KYAT3: variants seen among roughly 807,000 people sequenced by gnomAD.
KYAT3 encodes kynurenine--oxoglutarate transaminase 3.
A neutral mutation model predicts 59.0 loss-of-function variants in KYAT3; 50 were observed. The observed-to-expected ratio is 0.85, with a 90% CI of 0.68 to 1.07. The LOEUF (loss-of-function observed/expected upper bound fraction) is 1.07. Ranked by LOEUF, KYAT3 falls within the 50% of genes least tolerant of loss-of-function variation. The pLI is 0.00. For missense variants in KYAT3, 497 were observed against 533.3 expected, an observed-to-expected ratio of 0.93 and a Z score of 0.67; for synonymous variants, 148 against 177.0, an observed-to-expected ratio of 0.84 and a Z score of 1.30.
At chr1:88,974,691 C>G (rs188139698) in intron 2 of KYAT3, among the ~76,000 whole-genome samples, 3 of 152,078 alleles carry the variant, frequency 2.0e-5, no homozygotes, top group Middle Eastern at 3.4e-3. Flanking sequence ...CACCAATCAG[C>G]GCTCTGTGTC....
At chr1:88,992,479 T>G (rs1570866406) in intron 1 of KYAT3, 106 bp downstream of exon 1, 1 of 152,730 alleles carries the variant, frequency 6.5e-6, no homozygotes, top group East Asian at 1.9e-4. Flanking sequence ...CCGCAGCGAC[T>G]CCGGCAAGAG....
chr1:88,983,615 C>T (rs111779380), intron 2 of KYAT3: 1 of 1,477,150 alleles, frequency 6.8e-7, no homozygotes, highest in East Asian at 2.4e-5. Context: ...TAATGACTTT[C>T]CATTCATGTC....
At chr1:88,988,892 T>G (rs1478403688) in intron 1 of KYAT3, among the ~76,000 whole-genome samples, 1 of 152,220 alleles carries the variant, frequency 6.6e-6, no homozygotes, top group African/African-American at 2.4e-5. Flanking sequence ...AGGTACTTCC[T>G]CCAACAATTC....
rs201697420 is a variant in KYAT3 at position 88,983,233 on chromosome 1, C to T, written c.99+5019G>A. On this transcript the variant is annotated intron_variant, in intron 2 of 13. Transcript: ENST00000260508. ...AATAAACATCTCTACGAGAGGGGAG[C>T]GGTTCCCTTCGAGGTGGACCTCCAT... is the stretch of plus-strand genomic sequence containing the variant. 379 of 1,613,280 alleles carry T rather than the reference C, an allele frequency of 2.3e-4. 5 individuals carry two copies. The South Asian group carries it at 3.0e-3, about 13-fold the overall frequency.
rs1676439925 is a variant in KYAT3, at chr1:88,968,743, G to A, written c.230C>T (p.Pro77Leu). The part of the protein sequence containing the change: ...NLGQGFPDIS[P>L]PTYVKEELSK... ...TAATTCTTCTTTTACATATGTAGGAGGGGATATATCTGGAAAGCCTTGGCC... is the reference window on the plus strand; with the variant it reads ...TAATTCTTCTTTTACATATGTAGGAAGGGATATATCTGGAAAGCCTTGGCC... The change falls in exon 4 of 14, where the codon CCT becomes CTT. Residue 77 changes from proline (P) to leucine (L), a missense_variant. Coordinates refer to ENST00000260508, the MANE Select transcript of KYAT3 (RefSeq NM_001008661.3). 1 of 1,601,416 alleles carries A rather than the reference G, an allele frequency of 6.2e-7. No individual in the cohort carries two copies. Among genetic ancestry groups the A allele is most frequent in the African/African-American group, 1.4e-5 (1 of 74,000 alleles).
At chr1:88,983,419 C>A in intron 2 of KYAT3, 2 of 1,614,220 alleles carry the variant, frequency 1.2e-6, no homozygotes, top group East Asian at 4.5e-5. Context: ...TGTTAAAATT[C>A]ATGGAATATC....
intron 4 of KYAT3, 148 bp downstream of exon 4, chr1:88,968,522 G>A (rs1406777744): frequency 5.3e-6 from 3 of 561,580 alleles, no homozygotes; most frequent in Middle Eastern, 2.8e-4. Context: ...ATAGGGCAAG[G>A]GCAGAAGTTT....
At chr1:88,945,268 C>T (rs1675397133) in intron 11 of KYAT3, among the ~76,000 whole-genome samples, 1 of 152,168 alleles carries the variant, frequency 6.6e-6, no homozygotes. Flanking sequence ...GCCAGACATC[C>T]TCAAGGGAAC....
At chr1:88,953,943 C>T (rs1173713292) in intron 9 of KYAT3, among the ~76,000 whole-genome samples, 1 of 148,960 alleles carries the variant, frequency 6.7e-6, no homozygotes, top group African/African-American at 2.5e-5. Flanking sequence ...GCTCTTGTTG[C>T]CCAGACTAGA....
intron 8 of KYAT3, among the ~76,000 whole-genome samples, chr1:88,958,460 C>T (rs947682576): frequency 6.6e-6 from 1 of 151,672 alleles, no homozygotes. Context: ...ACCATTTCTC[C>T]TGTTTTGTTA....
intron 13 of KYAT3, among the ~76,000 whole-genome samples, chr1:88,941,166 T>A (rs536055618): frequency 6.6e-6 from 1 of 152,244 alleles, no homozygotes; most frequent in Middle Eastern, 3.2e-3. Context: ...CAGTGTAAGA[T>A]GAAGGATATT....
At chr1:88,956,718 A>G (rs1158603241) in intron 8 of KYAT3, among the ~76,000 whole-genome samples, 1 of 152,178 alleles carries the variant, frequency 6.6e-6, no homozygotes, top group Admixed American at 6.5e-5. Flanking sequence ...GGGAATGAAG[A>G]TATTTTGGGC....
At chr1:88,992,052 C>T (rs2101110815) in intron 1 of KYAT3, among the ~76,000 whole-genome samples, 1 of 150,960 alleles carries the variant, frequency 6.6e-6, no homozygotes, top group Non-Finnish European at 1.5e-5. Context: ...GATCTCGGCT[C>T]ACTGCAAGCT....
intron 8 of KYAT3, among the ~76,000 whole-genome samples, chr1:88,959,044 A>T (rs560601241): frequency 5.2e-4 from 79 of 152,212 alleles, no homozygotes; most frequent in African/African-American, 1.7e-3. Flanking sequence ...TTGGGAGGCC[A>T]GGGCAGGAGG....
chr1:88,982,154 A>G, intron 2 of KYAT3: 9 of 936,622 alleles, frequency 9.6e-6, no homozygotes, highest in Non-Finnish European at 1.1e-5. Flanking sequence ...TTACATAGGC[A>G]TCTGATTTCA....
chr1:88,982,445 A>C, intron 2 of KYAT3: 1 of 1,012,266 alleles, frequency 9.9e-7, no homozygotes, highest in South Asian at 1.9e-5. Context: ...GCTTGTTGAA[A>C]AGCAATGTCA....
intron 8 of KYAT3, among the ~76,000 whole-genome samples, chr1:88,959,434 A>G (rs905631517): frequency 2.6e-5 from 4 of 151,968 alleles, no homozygotes; most frequent in Admixed American, 6.6e-5. Context: ...TTAGCCAGGC[A>G]TGGTGGCATG....
At position 88,953,112 on chromosome 1, in the gene KYAT3, A is replaced by T. The variant is rs1283177606; in HGVS notation, c.905T>A (p.Leu302Ter). ...AATCGTGTTTTGTTGAACTGTCTGT[A>T]AATGTTTTATCAAATGATTTGGACC... ...SIGPNHLIKHLQTVQQNTIYT... is the reference protein window; with the variant it reads ...SIGPNHLIKH Residue 302 changes from leucine to a stop codon, truncating the protein, a stop_gained, in exon 10 of 14, where the codon TTA becomes TAA. Transcript: ENST00000260508. LOFTEE classifies it high-confidence loss of function. The T allele has an allele frequency of 6.2e-7, 1 of 1,613,688 alleles. No individual in the cohort carries two copies. Among genetic ancestry groups the T allele is most frequent in the East Asian group, 2.2e-5 (1 of 44,862 alleles).
At chr1:88,933,929 G>C (rs1674962562), downstream of KYAT3, among the ~76,000 whole-genome samples, 1 of 152,112 alleles carries the variant, frequency 6.6e-6, no homozygotes, top group African/African-American at 2.4e-5. Context: ...GTCGGCCTTG[G>C]ACAAGTCAAA....
Sources: gnomAD v4.1 joint callset for allele counts (sites outside exome capture counted in the v4.1 genomes callset) on GRCh38, gnomAD v4.1.1 for gene constraint, MANE v1.5 for transcripts, NCBI Gene and HGNC (gene_info 2026-07-23, HGNC 2026-07-21) for gene names.